The following MARCHF1 variants were observed in gnomAD, a reference collection of about 807,000 sequenced individuals.
MARCHF1 encodes the protein membrane associated ring-CH-type finger 1, also known as E3 ubiquitin-protein ligase MARCHF1.
A neutral mutation model predicts 54.2 loss-of-function variants in MARCHF1; 40 were observed. That is an observed-to-expected ratio of 0.74 (90% CI 0.57 to 0.96). The LOEUF is 0.96. Among genes scored for constraint, MARCHF1 ranks in the 40% least tolerant of loss-of-function variants. The pLI is 0.00. For missense variants in MARCHF1, 586 were observed against 656.5 expected, an observed-to-expected ratio of 0.89 and a Z score of 1.17; for synonymous variants, 236 against 236.3, an observed-to-expected ratio of 1.00 and a Z score of 0.01.
At chr4:164,054,577 G>T (rs541516026) in intron 2 of MARCHF1, among the ~76,000 whole-genome samples, 1 of 151,846 alleles carries the variant, frequency 6.6e-6, no homozygotes, top group Non-Finnish European at 1.5e-5. Context: ...CATATACACC[G>T]TGGAATACTA....
intron 1 of MARCHF1, among the ~76,000 whole-genome samples, chr4:164,313,753 T>C (rs1734928198): frequency 6.6e-6 from 1 of 152,140 alleles, no homozygotes; most frequent in African/African-American, 2.4e-5. Flanking sequence ...ACTCAGTGGA[T>C]GAAAATTAAA....
rs142390846 is a variant in MARCHF1, at chr4:163,630,402, C to T, written c.163-17009G>A. ...TCCAGAGTGACATGAAGCAGATTAGCGGTTGCTGAGGACAGAGGTGGAAAG... is the reference window on the plus strand; with the variant it reads ...TCCAGAGTGACATGAAGCAGATTAGTGGTTGCTGAGGACAGAGGTGGAAAG... On this transcript the variant is annotated intron_variant, in intron 5 of 9. Transcript: ENST00000514618. Among the ~76,000 whole-genome samples the T allele has an allele frequency of 6.8e-4, 103 of 152,200 alleles. No homozygotes were observed. In the East Asian group the frequency reaches 0.019, roughly 28 times the overall value.
chr4:163,857,522 A>G (rs1383943644), intron 3 of MARCHF1, among the ~76,000 whole-genome samples: 5 of 152,206 alleles, frequency 3.3e-5, no homozygotes, highest in African/African-American at 1.2e-4. Context: ...CACTCATGTT[A>G]ATTGCTATCT....
chr4:164,148,463 A>T (rs982023504), intron 1 of MARCHF1, among the ~76,000 whole-genome samples: 7 of 151,754 alleles, frequency 4.6e-5, no homozygotes, highest in African/African-American at 1.7e-4. Context: ...TCTTTATCCC[A>T]TTCTACCATT....
chr4:164,068,572 GGCCTTAGGT>G (rs1754782241), intron 2 of MARCHF1, among the ~76,000 whole-genome samples: 1 of 152,324 alleles, frequency 6.6e-6, no homozygotes, highest in South Asian at 2.1e-4. Flanking sequence ...CTTCTCACCA[GGCCTTAGGT>G]GCCTCCCTGC....
intron 5 of MARCHF1, among the ~76,000 whole-genome samples, chr4:163,631,776 T>C (rs867413442): frequency 1.3e-5 from 2 of 152,178 alleles, no homozygotes; most frequent in South Asian, 2.1e-4. Flanking sequence ...TTACATATGA[T>C]ACCAAAAGCA....
chr4:164,374,478 C>CA (rs988079024), intron 1 of MARCHF1, among the ~76,000 whole-genome samples: 35 of 151,966 alleles, frequency 2.3e-4, no homozygotes, highest in African/African-American at 8.0e-4. Flanking sequence ...ATGTATGTTT[C>CA]AAAAAATTAA....
At chr4:164,279,313 A>G (rs1478485932) in intron 1 of MARCHF1, among the ~76,000 whole-genome samples, 2 of 151,502 alleles carry the variant, frequency 1.3e-5, no homozygotes, top group African/African-American at 2.4e-5. Flanking sequence ...ATATACTAGG[A>G]AAAAACAAGG....
At chr4:163,763,426 T>C (rs1746884324) in intron 4 of MARCHF1, among the ~76,000 whole-genome samples, 1 of 152,088 alleles carries the variant, frequency 6.6e-6, no homozygotes, top group Admixed American at 6.6e-5. Flanking sequence ...CTCTGGAGCA[T>C]TGATTTTTAA....
At chr4:164,139,926 T>A (rs1756487128) in intron 1 of MARCHF1, among the ~76,000 whole-genome samples, 1 of 152,140 alleles carries the variant, frequency 6.6e-6, no homozygotes, top group African/African-American at 2.4e-5. Flanking sequence ...TTCTGGGAAT[T>A]GATGACATCT....
At chr4:163,621,489 G>A (rs1215785206) in intron 5 of MARCHF1, among the ~76,000 whole-genome samples, 1 of 152,064 alleles carries the variant, frequency 6.6e-6, no homozygotes, top group Non-Finnish European at 1.5e-5. Context: ...TTAGAATTTT[G>A]TATTAGATTT....
At chr4:163,985,923 C>T (rs559610437) in intron 3 of MARCHF1, among the ~76,000 whole-genome samples, 1 of 152,066 alleles carries the variant, frequency 6.6e-6, no homozygotes, top group Admixed American at 6.6e-5. Flanking sequence ...GAAAGCATCG[C>T]CACTTGAAAT....
intron 4 of MARCHF1, among the ~76,000 whole-genome samples, chr4:163,847,865 G>T (rs1253357930): frequency 8.5e-5 from 13 of 152,174 alleles, no homozygotes; most frequent in Non-Finnish European, 1.9e-4. Context: ...ACAGGCATGA[G>T]CCACTGCACC....
intron 5 of MARCHF1, among the ~76,000 whole-genome samples, chr4:163,630,917 A>C (rs1481535741): frequency 1.3e-5 from 2 of 152,148 alleles, no homozygotes; most frequent in African/African-American, 4.8e-5. Context: ...AAGATGAAAG[A>C]ATAGAAAAGA....
rs751380694 is a variant in MARCHF1 at position 163,859,462 on chromosome 4, C to T, written c.-38-5293G>A. Among the ~76,000 whole-genome samples the T allele has an allele frequency of 1.1e-4, 17 of 151,044 alleles. 1 individual carries two copies. Among genetic ancestry groups the T allele is most frequent in the Admixed American group, 1.3e-4 (2 of 15,138 alleles). ...GCAACCTCTGCCTCCCAGGTTCAAG[C>T]GATTCTCCTGCCTCAGCCTCCCAAG... On this transcript the variant is annotated intron_variant, in intron 3 of 9. Transcript: ENST00000514618.
chr4:163,575,004 G>A (rs1201536239), intron 8 of MARCHF1, among the ~76,000 whole-genome samples: 1 of 151,878 alleles, frequency 6.6e-6, no homozygotes, highest in Non-Finnish European at 1.5e-5. Flanking sequence ...GCAGTGGTTT[G>A]TAGTTCTCCT....
rs909202143 is a variant in MARCHF1, at chr4:163,696,825, A to G, written c.162+3988T>C. 2.6e-5 allele frequency among the ~76,000 whole-genome samples: 4 copies of G among 152,070 alleles called. No homozygotes were observed. The East Asian group carries it at 5.8e-4, about 22-fold the overall frequency. ...TTTTCTCTGCTGCTACCCTGTCCCA[A>G]TTAGATGGAAGTGATGGCTCTCCGA... On this transcript the variant is annotated intron_variant, in intron 5 of 9. Coordinates refer to ENST00000514618, the MANE Select transcript of MARCHF1 (RefSeq NM_001394959.1).
intron 4 of MARCHF1, among the ~76,000 whole-genome samples, chr4:163,751,827 T>TGTGTGTGTGA (rs1554010515): frequency 3.6e-4 from 55 of 151,446 alleles, no homozygotes; most frequent in African/African-American, 7.5e-4. Context: ...TGTGTGTGTG[T>TGTGTGTGTGA]GATGAGGAAA....
At chr4:163,587,930 T>C (rs1454115796) in intron 7 of MARCHF1, among the ~76,000 whole-genome samples, 3 of 152,146 alleles carry the variant, frequency 2.0e-5, no homozygotes, top group Non-Finnish European at 4.4e-5. Flanking sequence ...TATATATAGA[T>C]ACAGATATAT....
Sources: allele counts gnomAD v4.1 joint callset (sites outside exome capture counted in the v4.1 genomes callset), GRCh38; gene constraint gnomAD v4.1.1; transcripts MANE v1.5; gene names NCBI Gene and HGNC (gene_info 2026-07-23, HGNC 2026-07-21).